PGAP2: variants seen among roughly 807,000 people sequenced by gnomAD.
PGAP2 encodes acyltransferase PGAP2.
Under a neutral mutation model 33.2 loss-of-function variants are expected in PGAP2, and 21 were observed. That is an observed-to-expected ratio of 0.63 (90% CI 0.45 to 0.91). PGAP2 has a LOEUF of 0.91. PGAP2 is among the 40% of genes least tolerant of loss of function. The probability of loss-of-function intolerance (pLI) is 0.00; values close to 1 mark genes in which losing one functional copy is unlikely to be tolerated. For synonymous variants in PGAP2, 161 were observed against 172.9 expected (o/e 0.93, Z 0.54); for missense variants, 345 against 424.0 (o/e 0.81, Z 1.64).
At chr11:3,818,621 G>C (rs1184446845) in intron 3 of PGAP2, among the ~76,000 whole-genome samples, 1 of 152,142 alleles carries the variant, frequency 6.6e-6, no homozygotes, top group Non-Finnish European at 1.5e-5. Context: ...ATCCACTCAG[G>C]GATCTGCCAG....
At position 3,824,312 on chromosome 11, in the gene PGAP2, T is replaced by C; in HGVS notation, c.644T>C (p.Leu215Pro). ...NAFIVFIASSLGHMLLTCILW... is the reference protein window; with the variant it reads ...NAFIVFIASSPGHMLLTCILW... Reference sequence around the variant, plus strand: ...TTCATTGTGTTCATTGCCTCATCCCTCGGGCACATGCTCCTCACCTGCATT... The same window carrying C: ...TTCATTGTGTTCATTGCCTCATCCCCCGGGCACATGCTCCTCACCTGCATT... The change falls in exon 5 of 7, where the codon CTC becomes CCC. Residue 215 changes from leucine to proline, a missense_variant. Around this residue, in one of 2 missense-constraint regions of PGAP2, gnomAD observed 311 missense variants for 353.6 expected, o/e 0.88. Transcript: ENST00000278243. The C allele has an allele frequency of 6.2e-7, 1 of 1,614,182 alleles. No individual in the cohort carries two copies. Among genetic ancestry groups the C allele is most frequent in the Non-Finnish European group, 8.5e-7 (1 of 1,180,026 alleles).
rs557807833 is a variant in PGAP2, at chr11:3,800,896, G to T, written c.139+2914G>T. ...GCCTATAATCCCAGCACTTTTGGAG[G>T]CTGAAGCAGGTGGATCACCTGAGGT... On this transcript the variant is annotated intron_variant, in intron 1 of 6. Transcript: ENST00000300730. Among the ~76,000 whole-genome samples the T allele has an allele frequency of 1.1e-4, 17 of 152,076 alleles. No individual in the cohort carries two copies. In the East Asian group the frequency reaches 1.9e-3, roughly 17 times the overall value.
At chr11:3,815,310 C>CT (rs965285453) in intron 2 of PGAP2, among the ~76,000 whole-genome samples, 222 of 136,262 alleles carry the variant, frequency 1.6e-3, no homozygotes, top group Admixed American at 1.9e-3. Context: ...CTGTCTTCTT[C>CT]TTTTTTTTTT....
At chr11:3,817,648 G>A in intron 3 of PGAP2, 113 bp downstream of exon 3, 2 of 876,258 alleles carry the variant, frequency 2.3e-6, no homozygotes, top group Non-Finnish European at 3.8e-6. Flanking sequence ...AAGGGACAAG[G>A]GGATGGGGGA....
chr11:3,813,185 G>A (rs1353840369), intron 2 of PGAP2, among the ~76,000 whole-genome samples: 1 of 152,184 alleles, frequency 6.6e-6, no homozygotes, highest in African/African-American at 2.4e-5. Flanking sequence ...CTTGAAGGCA[G>A]GCACTGCATT....
chr11:3,808,817 C>T (rs1305941454), intron 1 of PGAP2, among the ~76,000 whole-genome samples, 166 bp downstream of exon 1: 1 of 152,200 alleles, frequency 6.6e-6, no homozygotes, highest in Non-Finnish European at 1.5e-5. Flanking sequence ...CTGGACTTGC[C>T]GAGCTGGCCC....
intron 2 of PGAP2, among the ~76,000 whole-genome samples, chr11:3,812,344 G>A (rs1037893480): frequency 1.3e-5 from 2 of 152,174 alleles, no homozygotes; most frequent in East Asian, 1.9e-4. Flanking sequence ...TGGGAGGATT[G>A]CTTGAGCCTA....
At chr11:3,819,108 A>C (rs944363760) in intron 3 of PGAP2, among the ~76,000 whole-genome samples, 1 of 152,162 alleles carries the variant, frequency 6.6e-6, no homozygotes, top group Non-Finnish European at 1.5e-5. Flanking sequence ...GAGTACAGTG[A>C]CCTGATCTTG....
intron 3 of PGAP2, chr11:3,817,813 G>A (rs1017656237): frequency 6.9e-6 from 4 of 577,052 alleles, no homozygotes; most frequent in Admixed American, 2.2e-5. Context: ...TCGGGAGGGC[G>A]AAGCCAGTGG....
In PGAP2 at chr11:3,824,069, G is replaced by A. The variant is rs201471637; in HGVS notation, c.535G>A (p.Gly179Ser). The change falls in exon 4 of 7, where the codon GGC (glycine) becomes AGC (serine). Residue 179 changes from glycine (G) to serine (S), a missense_variant. By Grantham distance (56) the Gly-to-Ser change is moderately conservative (BLOSUM62 0). Around this residue, in one of 2 missense-constraint regions of PGAP2, gnomAD observed 311 missense variants for 353.6 expected, o/e 0.88. Coordinates refer to ENST00000278243, the MANE Select transcript of PGAP2 (RefSeq NM_014489.4). The stretch of plus-strand genomic sequence containing the variant: ...TCGCCCGCTCTGCCGCCTCAACTTC[G>A]GCCTCAATGTCGTGGAGAACCTCGC... ...CYRPLCRLNF[G>S]LNVVENLALL... The A allele has an allele frequency of 9.5e-5, 153 of 1,614,136 alleles. 1 individual carries two copies. The Admixed American group carries it at 2.2e-3, about 24-fold the overall frequency.
chr11:3,798,441 C>G (rs965655997), intron 1 of PGAP2, among the ~76,000 whole-genome samples: 4 of 150,714 alleles, frequency 2.7e-5, no homozygotes, highest in Admixed American at 2.0e-4. Context: ...GCGATTCTCC[C>G]GCCTTAGCCT....
At position 3,811,288 on chromosome 11, in the gene PGAP2, G is replaced by A. The variant is rs774704416; in HGVS notation, c.29G>A (p.Arg10Gln). The change falls in exon 2 of 7, where the codon CGG becomes CAG. Residue 10 changes from arginine (R) to glutamine (Q), a missense_variant. Physicochemically the swap from Arg to Gln is conservative, Grantham distance 43. This residue lies in a region of PGAP2 where 34 missense variants were observed against 70.3 expected (regional missense o/e 0.48). Transcript: ENST00000278243. This position sits in a 1 kb window ranked among gnomAD's most constrained non-coding sequence, Gnocchi z 4.6. MYQVPLPLD[R>Q]DGTLVRLRFT... Reference sequence around the variant, plus strand: ...TACCAGGTCCCACTACCACTGGATCGGGATGGGACCCTGGTACGGCTCCGC... The same window carrying A: ...TACCAGGTCCCACTACCACTGGATCAGGATGGGACCCTGGTACGGCTCCGC... 31 of 1,613,846 alleles carry A rather than the reference G, an allele frequency of 1.9e-5. No homozygotes were observed. Among genetic ancestry groups the A allele is most frequent in the African/African-American group, 2.7e-5 (2 of 74,900 alleles).
intron 3 of PGAP2, chr11:3,817,775 A>G (rs2087438921): frequency 3.1e-6 from 2 of 653,488 alleles, no homozygotes; most frequent in East Asian, 6.1e-5. Context: ...TGACGGGCGC[A>G]GTGGCTCATA....
chr11:3,802,169 G>T (rs2083558302), intron 1 of PGAP2, among the ~76,000 whole-genome samples: 3 of 149,098 alleles, frequency 2.0e-5, no homozygotes, highest in Non-Finnish European at 3.0e-5. Flanking sequence ...AAGTAGATGT[G>T]CAGGGAAATA....
rs116705247 is a variant in PGAP2 at position 3,823,526 on chromosome 11, G to A, written c.349-357G>A. On this transcript the variant is annotated intron_variant, in intron 3 of 6. Coordinates refer to ENST00000278243, the MANE Select transcript of PGAP2 (RefSeq NM_014489.4). ...TCCTCTGGACTGAATCTGAGGCCTT[G>A]GAACTCACCCAGGGTCTTAGTGGAG... 754 of 1,429,864 alleles carry A rather than the reference G, an allele frequency of 5.3e-4. 3 individuals carry two copies. The African/African-American group carries it at 9.9e-3, about 19-fold the overall frequency. 88.6% of individuals were successfully genotyped at this position (1,429,864 alleles called of 1,614,324 possible).
upstream of PGAP2, among the ~76,000 whole-genome samples, chr11:3,806,049 A>G (rs2084278284): frequency 1.3e-5 from 2 of 152,166 alleles, no homozygotes; most frequent in South Asian, 4.1e-4. Context: ...GCTCAGGGCT[A>G]TATGGAGAAT....
intron 6 of PGAP2, 32 bp downstream of exon 6, chr11:3,825,160 T>C (rs2089796949): frequency 2.5e-6 from 4 of 1,606,174 alleles, no homozygotes; most frequent in Admixed American, 1.7e-5. Flanking sequence ...CAGGCGGTCA[T>C]GAGTGGCTGC....
intron 1 of PGAP2, among the ~76,000 whole-genome samples, chr11:3,798,635 ATTTT>A (rs35252971): frequency 2.3e-5 from 3 of 131,318 alleles, no homozygotes; most frequent in South Asian, 2.5e-4. Context: ...CCATGAACTA[ATTTT>A]TTTTTTTTTT....
intron 1 of PGAP2, among the ~76,000 whole-genome samples, chr11:3,801,141 AAAAAG>A (rs1046687222): frequency 6.6e-6 from 1 of 151,744 alleles, no homozygotes; most frequent in Admixed American, 6.6e-5. Context: ...TCTTCAAAAA[AAAAAG>A]AAAAGAAAGG....
Sources: allele counts gnomAD v4.1 joint callset (sites outside exome capture counted in the v4.1 genomes callset), GRCh38; gene constraint gnomAD v4.1.1; regional missense constraint gnomAD v4.1.1; non-coding constraint Gnocchi (gnomAD v3.1); transcripts MANE v1.5; gene names NCBI Gene and HGNC (gene_info 2026-07-23, HGNC 2026-07-21).